Variants in INVS observed in about 807,000 individuals in gnomAD.
INVS encodes the protein inversin.
Under a neutral mutation model 108.8 loss-of-function variants are expected in INVS, and 86 were observed. The observed-to-expected ratio is 0.79, with a 90% CI of 0.66 to 0.95. The LOEUF is 0.95. Ranked by LOEUF, INVS falls within the 40% of genes least tolerant of loss-of-function variation. INVS has a pLI of 0.00. For missense variants in INVS, 1,169 were observed against 1,297.4 expected, an observed-to-expected ratio of 0.90 and a Z score of 1.52; for synonymous variants, 455 against 473.5, an observed-to-expected ratio of 0.96 and a Z score of 0.51.
chr9:100,218,954 A>G (rs909726456), intron 3 of INVS, among the ~76,000 whole-genome samples: 3 of 152,216 alleles, frequency 2.0e-5, no homozygotes, highest in African/African-American at 7.2e-5. Context: ...CAACAAGGAG[A>G]AAAAAGGAAA....
chr9:100,225,271 A>G (rs1831280719), intron 3 of INVS, among the ~76,000 whole-genome samples: 1 of 150,486 alleles, frequency 6.6e-6, no homozygotes, highest in South Asian at 2.1e-4. Context: ...GATGGTCTCA[A>G]TCTCCTGACC....
intron 3 of INVS, among the ~76,000 whole-genome samples, chr9:100,135,414 A>T (rs550045583): frequency 6.6e-6 from 1 of 152,148 alleles, no homozygotes; most frequent in South Asian, 2.1e-4. Context: ...CCCCACCACC[A>T]GTGTTTTTAA....
chr9:100,191,066 G>T (rs1830205680), intron 3 of INVS, among the ~76,000 whole-genome samples: 1 of 152,020 alleles, frequency 6.6e-6, no homozygotes, highest in African/African-American at 2.4e-5. Context: ...TCTCTATGTT[G>T]CCCAAGCTGG....
chr9:100,296,893 T>C, intron 14 of INVS, 24 bp from the exon 15 acceptor site: 1 of 1,585,080 alleles, frequency 6.3e-7, no homozygotes, highest in South Asian at 1.1e-5. Flanking sequence ...TCTTAAAGCC[T>C]CTCCTCTCCT....
chr9:100,103,470 A>T (rs928680465), intron 1 of INVS, among the ~76,000 whole-genome samples: 1 of 152,006 alleles, frequency 6.6e-6, no homozygotes, highest in Non-Finnish European at 1.5e-5. Flanking sequence ...CTACTAAAAA[A>T]TACAAAACTT....
chr9:100,263,660 T>C (rs1245322785), intron 10 of INVS, among the ~76,000 whole-genome samples: 2 of 152,226 alleles, frequency 1.3e-5, no homozygotes, highest in Non-Finnish European at 2.9e-5. Flanking sequence ...ACAACCTTAA[T>C]TCTTCCTTCT....
Position 100,293,015 on chromosome 9 carries a change from GC to G in INVS, c.2759del (p.Ala920GlufsTer23). ...GCTGTTTCGCAAAAAGAACAAGGCA[GC>G]AGCAGTCATCCAGCGCGCCTGGCGA... ...KELFRKKNKAAAVIQRAWRSY... is the reference protein window; with the variant it reads ...KELFRKKNKAXAVIQRAWRSY... On this transcript the variant is annotated frameshift_variant, in exon 14 of 17. Coordinates refer to ENST00000262457, the MANE Select transcript of INVS (RefSeq NM_014425.5). LOFTEE classifies it high-confidence loss of function. 1 of 1,614,076 alleles carries G rather than the reference GC, an allele frequency of 6.2e-7. No individual in the cohort carries two copies. The highest frequency in any genetic ancestry group is 1.1e-5 in the South Asian group (1 of 91,078).
intron 3 of INVS, among the ~76,000 whole-genome samples, chr9:100,193,393 A>C (rs1830282870): frequency 6.6e-6 from 1 of 152,146 alleles, no homozygotes; most frequent in Non-Finnish European, 1.5e-5. Flanking sequence ...TGAGTATACT[A>C]TTCAGTGGCA....
intron 2 of INVS, among the ~76,000 whole-genome samples, chr9:100,123,942 A>G (rs1827801684): frequency 6.6e-6 from 1 of 152,130 alleles, no homozygotes; most frequent in African/African-American, 2.4e-5. Context: ...AGTAGCTGGT[A>G]TTACAGGCAT....
chr9:100,272,509 C>T (rs1832988014), intron 11 of INVS, among the ~76,000 whole-genome samples: 1 of 152,272 alleles, frequency 6.6e-6, no homozygotes, highest in Non-Finnish European at 1.5e-5. Flanking sequence ...ATTTACAAAT[C>T]TCACAATATT....
chr9:100,174,373 A>C (rs1025931605), intron 3 of INVS, among the ~76,000 whole-genome samples: 1 of 152,174 alleles, frequency 6.6e-6, no homozygotes, highest in Admixed American at 6.5e-5. Context: ...GTGAACTTAA[A>C]GATAGATCAA....
chr9:100,291,028 A>C (rs1009585843), intron 13 of INVS, among the ~76,000 whole-genome samples: 2 of 151,920 alleles, frequency 1.3e-5, no homozygotes, highest in Non-Finnish European at 2.9e-5. Flanking sequence ...TCTGTTTCTG[A>C]AAACACATTA....
chr9:100,103,073 G>A (rs1192597820), intron 1 of INVS, among the ~76,000 whole-genome samples: 1 of 152,086 alleles, frequency 6.6e-6, no homozygotes, highest in African/African-American at 2.4e-5. Flanking sequence ...CGCTGGTCTC[G>A]AACTCCTGAC....
At chr9:100,163,186 A>ATTTTTTTTTTTTTTTTTTTTTTTTT (rs556149756) in intron 3 of INVS, among the ~76,000 whole-genome samples, 1 of 131,842 alleles carries the variant, frequency 7.6e-6, no homozygotes. Flanking sequence ...TGTTCTTTCT[A>ATTTTTTTTTTTTTTTTTTTTTTTTT]TTTTTTTTTT....
intron 13 of INVS, among the ~76,000 whole-genome samples, chr9:100,288,040 A>T (rs1287698879): frequency 6.6e-6 from 1 of 152,234 alleles, no homozygotes; most frequent in Non-Finnish European, 1.5e-5. Context: ...TAACCACAGT[A>T]GACAAAAGAG....
chr9:100,295,864 C>A (rs1331570783), intron 14 of INVS, among the ~76,000 whole-genome samples: 1 of 152,190 alleles, frequency 6.6e-6, no homozygotes, highest in Non-Finnish European at 1.5e-5. Context: ...TGGAAGACAG[C>A]ATTTCAAACA....
chr9:100,122,120 G>A (rs891676317), intron 2 of INVS, among the ~76,000 whole-genome samples: 1 of 152,136 alleles, frequency 6.6e-6, no homozygotes, highest in Non-Finnish European at 1.5e-5. Context: ...GGTCCCATGG[G>A]TGTTTTGAAA....
chr9:100,224,680 G>A (rs1459030296), intron 3 of INVS, among the ~76,000 whole-genome samples: 1 of 151,764 alleles, frequency 6.6e-6, no homozygotes, highest in Non-Finnish European at 1.5e-5. Context: ...GCAGTGGTGC[G>A]ATCTCTGCTC....
intron 2 of INVS, among the ~76,000 whole-genome samples, chr9:100,110,801 T>G (rs1289863139): frequency 6.6e-6 from 1 of 152,202 alleles, no homozygotes; most frequent in Non-Finnish European, 1.5e-5. Flanking sequence ...GCTATGATAA[T>G]TTTGAAATAG....
Sources: allele counts gnomAD v4.1 joint callset (sites outside exome capture counted in the v4.1 genomes callset), GRCh38; gene constraint gnomAD v4.1.1; transcripts MANE v1.5; gene names NCBI Gene and HGNC (gene_info 2026-07-23, HGNC 2026-07-21).